Variants in FKBP5 observed in about 807,000 individuals in gnomAD.
FKBP5 encodes the protein peptidyl-prolyl cis-trans isomerase FKBP5.
A neutral mutation model predicts 50.5 loss-of-function variants in FKBP5; 23 were observed. That is an observed-to-expected ratio of 0.46 (90% CI 0.33 to 0.65). The LOEUF is 0.65. Among genes scored for constraint, FKBP5 ranks in the 30% least tolerant of loss-of-function variants. FKBP5 has a pLI of 0.02. For missense variants in FKBP5, 411 were observed against 553.1 expected, an observed-to-expected ratio of 0.74 and a Z score of 2.58; for synonymous variants, 176 against 190.6, an observed-to-expected ratio of 0.92 and a Z score of 0.63.
intron 5 of FKBP5, among the ~76,000 whole-genome samples, chr6:35,604,607 C>CTATT (rs1479124930): frequency 7.3e-5 from 11 of 151,696 alleles, no homozygotes; most frequent in African/African-American, 2.7e-4. Flanking sequence ...AATCTTTCCT[C>CTATT]TATTTTCAAT....
At chr6:35,585,968 T>C (rs1762586381) in intron 8 of FKBP5, 3 of 984,680 alleles carry the variant, frequency 3.0e-6, no homozygotes, top group Admixed American at 6.2e-5. Flanking sequence ...AACTTAATAA[T>C]AGCATGTCTT....
chr6:35,682,878 G>C (rs1414069139), intron 1 of FKBP5, among the ~76,000 whole-genome samples: 3 of 147,490 alleles, frequency 2.0e-5, no homozygotes, highest in African/African-American at 7.5e-5. Flanking sequence ...CTTCAGCCTC[G>C]GTGACAGAGC....
Position 35,666,120 on chromosome 6 carries a change from A to G in FKBP5, c.-20+22684T>C, listed in dbSNP as rs376876466. On this transcript the variant is annotated intron_variant, in intron 1 of 10. Coordinates refer to ENST00000357266, the MANE Select transcript of FKBP5 (RefSeq NM_004117.4). Reference sequence around the variant, plus strand: ...TATTACCTAATGTATCATCTTCTGAACATCTCAAGCTACTATGACAAGGAT... The same window carrying G: ...TATTACCTAATGTATCATCTTCTGAGCATCTCAAGCTACTATGACAAGGAT... Among the ~76,000 whole-genome samples the G allele has an allele frequency of 9.9e-5, 15 of 152,244 alleles. No individual in the cohort carries two copies. In the East Asian group the frequency reaches 2.3e-3, roughly 23 times the overall value.
chr6:35,726,308 G>A (rs147832761), intron 1 of FKBP5, among the ~76,000 whole-genome samples: 2 of 152,282 alleles, frequency 1.3e-5, no homozygotes, highest in African/African-American at 4.8e-5. Context: ...AGAACAGGCA[G>A]TGCCCAGGGA....
At chr6:35,582,654 T>C (rs1762472232) in intron 8 of FKBP5, 4 of 985,064 alleles carry the variant, frequency 4.1e-6, no homozygotes, top group Non-Finnish European at 4.8e-6. Flanking sequence ...GTATGGTATT[T>C]TACTGTGGCA....
intron 3 of FKBP5, among the ~76,000 whole-genome samples, chr6:35,636,808 T>C (rs994561054): frequency 1.7e-4 from 26 of 152,116 alleles, no homozygotes; most frequent in African/African-American, 6.0e-4. Flanking sequence ...AAATGGCAAA[T>C]AATATCTTAG....
At chr6:35,616,314 CAAAAAAAAA>C (rs34779549) in intron 5 of FKBP5, among the ~76,000 whole-genome samples, 2 of 57,452 alleles carry the variant, frequency 3.5e-5, no homozygotes, top group African/African-American at 1.5e-4. Flanking sequence ...GACTCCATCT[CAAAAAAAAA>C]AAAAAAAAAA....
At chr6:35,689,794 G>A (rs1482136123), upstream of FKBP5, among the ~76,000 whole-genome samples, 1 of 152,086 alleles carries the variant, frequency 6.6e-6, no homozygotes, top group Non-Finnish European at 1.5e-5. Context: ...TCGAGATCAC[G>A]CCACTGCACT....
At chr6:35,593,910 G>A (rs1020827848) in intron 6 of FKBP5, among the ~76,000 whole-genome samples, 5 of 150,864 alleles carry the variant, frequency 3.3e-5, no homozygotes, top group African/African-American at 4.9e-5. Flanking sequence ...AGGAAAGGAC[G>A]GAAAAAAAAG....
intron 3 of FKBP5, among the ~76,000 whole-genome samples, chr6:35,624,522 G>T (rs1236906972): frequency 2.0e-5 from 3 of 151,634 alleles, no homozygotes; most frequent in Non-Finnish European, 4.4e-5. Flanking sequence ...AAGCCCAGAG[G>T]AAAAAAACAA....
chr6:35,590,261 CTG>C (rs888519373), intron 7 of FKBP5, among the ~76,000 whole-genome samples: 5 of 151,858 alleles, frequency 3.3e-5, no homozygotes, highest in Non-Finnish European at 5.9e-5. Context: ...ATCGCGCTCA[CTG>C]TATTCCAGCC....
intron 7 of FKBP5, among the ~76,000 whole-genome samples, chr6:35,589,110 T>TTTA (rs1355058388): frequency 0.011 from 1,096 of 102,938 alleles, 22 homozygotes; most frequent in African/African-American, 0.041. Context: ...ATATATATTT[T>TTTA]TATATATATA....
intron 5 of FKBP5, among the ~76,000 whole-genome samples, chr6:35,600,121 G>C (rs1160427526): frequency 6.6e-6 from 1 of 152,220 alleles, no homozygotes; most frequent in Admixed American, 6.5e-5. Flanking sequence ...TAAACATTGA[G>C]AAGGTAAAGA....
intron 2 of FKBP5, among the ~76,000 whole-genome samples, chr6:35,706,750 C>G (rs1766325047): frequency 6.6e-6 from 1 of 152,162 alleles, no homozygotes; most frequent in Non-Finnish European, 1.5e-5. Context: ...ACATGTTGGC[C>G]AAACTATATA....
intron 1 of FKBP5, among the ~76,000 whole-genome samples, chr6:35,723,384 G>T (rs1298958097): frequency 3.3e-5 from 5 of 152,156 alleles, no homozygotes; most frequent in African/African-American, 1.2e-4. Context: ...GATTAACAAG[G>T]CTGAGCAATC....
chr6:35,661,961 C>A lies in FKBP5; in HGVS notation c.-19-19118G>T, dbSNP rs1013029076. The stretch of plus-strand genomic sequence containing the variant: ...GGATTGTGAGGACTAAAGTAATGCA[C>A]ATAAAGGGCTTTGTACAGTGCCTGT... On this transcript the variant is annotated intron_variant, in intron 1 of 10. Transcript: ENST00000357266. Among the ~76,000 whole-genome samples, 3 of 151,662 alleles carry A rather than the reference C, an allele frequency of 2.0e-5. 1 individual carries two copies. Among genetic ancestry groups the A allele is most frequent in the Non-Finnish European group, 4.4e-5 (3 of 67,952 alleles).
At chr6:35,719,727 C>T (rs1204689742) in intron 2 of FKBP5, among the ~76,000 whole-genome samples, 1 of 152,216 alleles carries the variant, frequency 6.6e-6, no homozygotes, top group African/African-American at 2.4e-5. Context: ...CATGGAAACA[C>T]AGAGACCAGG....
Position 35,575,067 on chromosome 6 carries a change from C to G in FKBP5, c.*768G>C, listed in dbSNP as rs1380488241. The stretch of plus-strand genomic sequence containing the variant: ...TTCACATTTCAGTATCTCAGAACTT[C>G]ATCGAAAATAGGAAAAGCTAATCCA... On this transcript the variant is annotated 3_prime_UTR_variant, in exon 11 of 11. Transcript: ENST00000357266. 1 of 152,202 alleles carries G rather than the reference C, an allele frequency of 6.6e-6. No homozygotes were observed. The highest frequency in any genetic ancestry group is 1.5e-5 in the Non-Finnish European group (1 of 68,048). 9.4% of individuals were successfully genotyped at this position (152,202 alleles called of 1,614,324 possible). A position where few individuals can be genotyped will look rare whatever the true frequency, so the allele number is the denominator to read the frequency against.
intron 3 of FKBP5, among the ~76,000 whole-genome samples, chr6:35,626,074 T>C (rs1043092048): frequency 1.3e-5 from 2 of 152,112 alleles, no homozygotes; most frequent in Non-Finnish European, 2.9e-5. Flanking sequence ...CCACCGTGCC[T>C]GGCCACGTCA....
Sources: gnomAD v4.1 joint callset for allele counts (sites outside exome capture counted in the v4.1 genomes callset) on GRCh38, gnomAD v4.1.1 for gene constraint, MANE v1.5 for transcripts, NCBI Gene and HGNC (gene_info 2026-07-23, HGNC 2026-07-21) for gene names.